KCNJ13: variants seen among roughly 807,000 people sequenced by gnomAD.
KCNJ13 encodes potassium inwardly rectifying channel subfamily J member 13, also known as inward rectifier potassium channel 13.
In KCNJ13, 9 loss-of-function variants were observed where a neutral mutation model predicts 24.6. The observed-to-expected ratio is 0.37, with a 90% CI of 0.22 to 0.64. The LOEUF (loss-of-function observed/expected upper bound fraction) is 0.64. Among genes scored for constraint, KCNJ13 ranks in the 30% least tolerant of loss-of-function variants. The pLI is 0.64. For missense variants in KCNJ13, 337 were observed against 443.8 expected, an observed-to-expected ratio of 0.76 and a Z score of 2.16; for synonymous variants, 148 against 154.7, an observed-to-expected ratio of 0.96 and a Z score of 0.32.
chr2:232,774,131 A>G (rs1300304068), intron 1 of KCNJ13, among the ~76,000 whole-genome samples: 1 of 151,948 alleles, frequency 6.6e-6, no homozygotes, highest in East Asian at 1.9e-4. Context: ...GAAAAAAAAA[A>G]AAGAAAGAAA....
Position 232,766,235 on chromosome 2 carries a change from G to A in KCNJ13, c.*1956C>T, listed in dbSNP as rs1337282165. ...TTTATAAAGTGTTTATTAAATAACA[G>A]TAGTTTACCAATAGTTTTTTTTGGC... On this transcript the variant is annotated 3_prime_UTR_variant, in exon 3 of 3. Transcript: ENST00000233826. Among the ~76,000 whole-genome samples, 1 of 152,152 alleles carries A rather than the reference G, an allele frequency of 6.6e-6. No homozygotes were observed. Among genetic ancestry groups the A allele is most frequent in the Admixed American group, 6.5e-5 (1 of 15,280 alleles).
intron 1 of KCNJ13, among the ~76,000 whole-genome samples, chr2:232,775,142 T>C (rs1216198540): frequency 6.6e-6 from 1 of 152,012 alleles, no homozygotes; most frequent in African/African-American, 2.4e-5. Flanking sequence ...AGAAGGAAGA[T>C]TGATTTCTGA....
chr2:232,776,079 T>C (rs1699500262), intron 1 of KCNJ13, among the ~76,000 whole-genome samples: 1 of 145,536 alleles, frequency 6.9e-6, no homozygotes, highest in Non-Finnish European at 1.6e-5. Context: ...CTTTTGGCAT[T>C]TGTTTTTTTA....
At chr2:232,775,689 C>T (rs1256071749) in intron 1 of KCNJ13, among the ~76,000 whole-genome samples, 1 of 152,138 alleles carries the variant, frequency 6.6e-6, no homozygotes, top group African/African-American at 2.4e-5. Context: ...ATTCATTCTA[C>T]TCATTGGGTT....
At chr2:232,770,415 G>A (rs1231004561) in intron 2 of KCNJ13, among the ~76,000 whole-genome samples, 1 of 152,160 alleles carries the variant, frequency 6.6e-6, no homozygotes, top group Non-Finnish European at 1.5e-5. Context: ...TGACTGTGGT[G>A]TTCTGGGCTC....
chr2:232,768,346 C>A lies in KCNJ13; in HGVS notation c.928G>T (p.Glu310Ter), dbSNP rs1371717577. 6.2e-7 allele frequency: 1 copy of A among 1,614,138 alleles called. No individual in the cohort carries two copies. Among genetic ancestry groups the A allele is most frequent in the South Asian group, 1.1e-5 (1 of 91,086 alleles). The change falls in exon 3 of 3, where the codon GAA (glutamate) becomes TAA (stop). Residue 310 changes from glutamate (E) to a stop codon, truncating the protein, a stop_gained. Coordinates refer to ENST00000233826, the MANE Select transcript of KCNJ13 (RefSeq NM_002242.4). LOFTEE classifies it high-confidence loss of function. The stretch of plus-strand genomic sequence containing the variant: ...AAATTCTCCATCTTGATTTGATATT[C>A]ACCTTTGGAACCTCGGGTCAACAGA... ...ASLLTRGSKG[E>*]YQIKMENFDK...
chr2:232,776,378 T>A (rs749028146), intron 1 of KCNJ13, 67 bp downstream of exon 1: 13 of 1,220,734 alleles, frequency 1.1e-5, no homozygotes, highest in Non-Finnish European at 1.6e-5. Context: ...CTGTTGCTAT[T>A]TGCCAGTCAG....
chr2:232,769,555 T>C (rs1325946894), intron 2 of KCNJ13, among the ~76,000 whole-genome samples: 1 of 150,158 alleles, frequency 6.7e-6, no homozygotes, highest in Non-Finnish European at 1.5e-5. Flanking sequence ...TTTTAAACTT[T>C]GAAACGTATT....
At chr2:232,775,387 A>G (rs1699468774) in intron 1 of KCNJ13, among the ~76,000 whole-genome samples, 1 of 152,230 alleles carries the variant, frequency 6.6e-6, no homozygotes, top group South Asian at 2.1e-4. Flanking sequence ...AAAGCTCTAC[A>G]GACTTATGTA....
chr2:232,768,044 C>T lies in KCNJ13; in HGVS notation c.*147G>A, dbSNP rs1485540852. On this transcript the variant is annotated 3_prime_UTR_variant, in exon 3 of 3. Coordinates refer to ENST00000233826, the MANE Select transcript of KCNJ13 (RefSeq NM_002242.4). ...GTTTCCAGAATGTGTATTGTTAGCT[C>T]AGCCATTCTTATGTAGGCATAGGCA... The T allele has an allele frequency of 2.7e-6, 2 of 738,494 alleles. No homozygotes were observed. The highest frequency in any genetic ancestry group is 4.5e-6 in the Non-Finnish European group (2 of 444,880). The allele number at this position is 738,494 out of a possible 1,614,324, so 45.7% of individuals were successfully genotyped here. A position where few individuals can be genotyped will look rare whatever the true frequency, so the allele number is the denominator to read the frequency against.
At position 232,766,201 on chromosome 2, in the gene KCNJ13, T is replaced by G. The variant is rs1227342318; in HGVS notation, c.*1990A>C. ...CTGCAAAAAAGTTTTGGATCACGTT[T>G]CTTATAGATTTATAAAGTGTTTATT... is the stretch of plus-strand genomic sequence containing the variant. On this transcript the variant is annotated 3_prime_UTR_variant, in exon 3 of 3. Transcript: ENST00000233826. 6.6e-6 allele frequency among the ~76,000 whole-genome samples: 1 copy of G among 152,238 alleles called. No individual in the cohort carries two copies. The highest frequency in any genetic ancestry group is 1.5e-5 in the Non-Finnish European group (1 of 68,042).
In KCNJ13 at chr2:232,772,647, C is replaced by T. The variant is rs78614281; in HGVS notation, c.-16-1269G>A. ...TCTTAAGACTTTAGTGTAGCAGTTA[C>T]TAGGAACAGAACAGGAAATGCAGCT... On this transcript the variant is annotated intron_variant, in intron 1 of 2. Transcript: ENST00000233826. Among the ~76,000 whole-genome samples the T allele has an allele frequency of 6.2e-3, 947 of 152,268 alleles. 15 individuals carry two copies. The highest frequency in any genetic ancestry group is 0.021 in the African/African-American group (891 of 41,544).
At chr2:232,775,157 C>T (rs567980219) in intron 1 of KCNJ13, among the ~76,000 whole-genome samples, 3 of 152,012 alleles carry the variant, frequency 2.0e-5, no homozygotes, top group East Asian at 3.9e-4. Context: ...TTCTGATTCC[C>T]ACTTAACCAA....
intron 1 of KCNJ13, among the ~76,000 whole-genome samples, chr2:232,774,262 GTTTCA>G (rs1320627831): frequency 6.6e-6 from 1 of 152,132 alleles, no homozygotes; most frequent in Non-Finnish European, 1.5e-5. Flanking sequence ...GAATAATACA[GTTTCA>G]TTTGATTAGT....
At chr2:232,773,610 C>G (rs1307541413) in intron 1 of KCNJ13, among the ~76,000 whole-genome samples, 1 of 152,066 alleles carries the variant, frequency 6.6e-6, no homozygotes, top group East Asian at 1.9e-4. Flanking sequence ...GAAACTGTCT[C>G]AAGTATCTGT....
intron 2 of KCNJ13, among the ~76,000 whole-genome samples, chr2:232,770,037 A>T (rs1293912785): frequency 6.6e-6 from 1 of 152,158 alleles, no homozygotes; most frequent in Non-Finnish European, 1.5e-5. Flanking sequence ...GCCAAGAGAT[A>T]CAAGTTTTTC....
rs1698953681 is a variant in KCNJ13, at chr2:232,766,140, A to C, written c.*2051T>G. ...AACTGTGATTTGAAATAAGTGAAAG[A>C]AACAATGAACAGTCCTCCCAGAAAC... On this transcript the variant is annotated 3_prime_UTR_variant, in exon 3 of 3. Coordinates refer to ENST00000233826, the MANE Select transcript of KCNJ13 (RefSeq NM_002242.4). Among the ~76,000 whole-genome samples, 1 of 152,232 alleles carries C rather than the reference A, an allele frequency of 6.6e-6. No individual in the cohort carries two copies. The highest frequency in any genetic ancestry group is 2.4e-5 in the African/African-American group (1 of 41,462).
At chr2:232,773,469 A>G (rs1446645153) in intron 1 of KCNJ13, among the ~76,000 whole-genome samples, 3 of 151,508 alleles carry the variant, frequency 2.0e-5, no homozygotes, top group African/African-American at 7.3e-5. Context: ...AAAGCCAGTT[A>G]ATTTTTTTTT....
intron 1 of KCNJ13, among the ~76,000 whole-genome samples, chr2:232,774,074 G>A (rs1472193107): frequency 1.3e-5 from 2 of 151,336 alleles, no homozygotes. Flanking sequence ...TTGAGGTCGG[G>A]AATTCAAGAC....
Sources: gnomAD v4.1 joint callset for allele counts (sites outside exome capture counted in the v4.1 genomes callset) on GRCh38, gnomAD v4.1.1 for gene constraint, MANE v1.5 for transcripts, NCBI Gene and HGNC (gene_info 2026-07-23, HGNC 2026-07-21) for gene names.